ZNF273: variants seen among roughly 807,000 people sequenced by gnomAD.
ZNF273 encodes the protein zinc finger protein 273, also known as zinc finger protein 9.
ZNF273 carries 11 observed loss-of-function variants against 14.9 expected under a neutral mutation model. The ratio of observed to expected loss-of-function variants is 0.74; its 90% confidence interval spans 0.46 to 1.22. The LOEUF is 1.22. ZNF273 is among the 50% of genes most tolerant of loss of function. The pLI, the probability that ZNF273 is intolerant of heterozygous loss-of-function variation, is 0.00. For synonymous variants in ZNF273, 199 were observed against 223.9 expected (o/e 0.89, Z 0.99); for missense variants, 577 against 660.6 (o/e 0.87, Z 1.39).
At chr7:64,937,289 G>A in the ZNF273 span, among the ~76,000 whole-genome samples, 1 of 152,214 alleles carries the variant, frequency 6.6e-6, no homozygotes, top group Admixed American at 6.5e-5. Flanking sequence ...GAGTGAAAGT[G>A]ATGTGTGGAT....
chr7:64,894,717 A>G (rs1792255480), downstream of ZNF273, among the ~76,000 whole-genome samples: 1 of 152,238 alleles, frequency 6.6e-6, no homozygotes, highest in Non-Finnish European at 1.5e-5. Flanking sequence ...AACTATTTTA[A>G]TCAAAATTAT....
At chr7:64,896,141 G>T (rs1792350290) in intron 3 of ZNF273, among the ~76,000 whole-genome samples, 1 of 151,866 alleles carries the variant, frequency 6.6e-6, no homozygotes, top group African/African-American at 2.4e-5. Flanking sequence ...TCACTGAAAG[G>T]CACTATCCAG....
chr7:64,932,644 C>T (rs895581103), downstream of ZNF273, among the ~76,000 whole-genome samples: 1 of 151,974 alleles, frequency 6.6e-6, no homozygotes, highest in Non-Finnish European at 1.5e-5. Context: ...AAATCTGACT[C>T]GGCACGGTGG....
intron 1 of ZNF273, among the ~76,000 whole-genome samples, chr7:64,887,071 C>CATA (rs997436882): frequency 1.3e-5 from 2 of 152,172 alleles, no homozygotes; most frequent in Non-Finnish European, 1.5e-5. Context: ...GTCCCAAGGA[C>CATA]ACTGGGGACC....
downstream of ZNF273, among the ~76,000 whole-genome samples, chr7:64,892,157 CTT>C (rs1401860054): frequency 6.6e-6 from 1 of 152,134 alleles, no homozygotes; most frequent in Non-Finnish European, 1.5e-5. Context: ...AAAATTTAAA[CTT>C]ATCATTTGGG....
chr7:64,910,932 AT>A (rs2129066597), intron 1 of ZNF273, among the ~76,000 whole-genome samples: 1 of 151,404 alleles, frequency 6.6e-6, no homozygotes, highest in East Asian at 2.0e-4. Flanking sequence ...TGCCTGGCTA[AT>A]TTTTCTATTT....
downstream of ZNF273, chr7:64,933,338 C>T (rs1257510278): frequency 6.6e-6 from 1 of 152,134 alleles, no homozygotes; most frequent in Admixed American, 6.5e-5. Context: ...TTCTTAGTCA[C>T]CTATCTGTAG....
At chr7:64,888,994 A>C (rs1791786890), downstream of ZNF273, 3 of 985,760 alleles carry the variant, frequency 3.0e-6, no homozygotes, top group South Asian at 1.4e-4. Context: ...TAATAAGGGC[A>C]AGGGGCCAAG....
At chr7:64,918,066 T>A in intron 2 of ZNF273, 131 bp from the exon 3 acceptor site, 1 of 780,912 alleles carries the variant, frequency 1.3e-6, no homozygotes, top group Non-Finnish European at 1.8e-6. Flanking sequence ...TTTAGAAATT[T>A]ACATTACTAA....
exon 2 of ZNF273, chr7:64,888,620 G>T: frequency 2.0e-6 from 2 of 985,840 alleles, no homozygotes; most frequent in Non-Finnish European, 2.4e-6. Flanking sequence ...CACCCAGCAG[G>T]AGCGGGGCGG....
chr7:64,883,827 G>T (rs533191779), downstream of ZNF273, among the ~76,000 whole-genome samples: 2 of 152,316 alleles, frequency 1.3e-5, no homozygotes, highest in South Asian at 4.1e-4. Flanking sequence ...CTGGCTCAAA[G>T]GCTTCTACAG....
At chr7:64,889,113 C>A, downstream of ZNF273, 1 of 985,970 alleles carries the variant, frequency 1.0e-6, no homozygotes, top group Non-Finnish European at 1.2e-6. This position sits in a 1 kb window ranked among gnomAD's most constrained non-coding sequence, Gnocchi z 4.2. Flanking sequence ...CTCCGGGAGC[C>A]AAGCAGGGAT....
upstream of ZNF273, among the ~76,000 whole-genome samples, chr7:64,900,519 G>T (rs905730360): frequency 6.6e-6 from 1 of 152,116 alleles, no homozygotes; most frequent in Non-Finnish European, 1.5e-5. Flanking sequence ...TAAGCAAACC[G>T]GAAGCTTGCA....
chr7:64,885,068 T>C (rs1209068417), intron 1 of ZNF273, among the ~76,000 whole-genome samples: 2 of 152,210 alleles, frequency 1.3e-5, no homozygotes, highest in Non-Finnish European at 2.9e-5. Context: ...TGTCAGTGTA[T>C]GCCACCGTTG....
rs1794970554 is a variant in ZNF273 at position 64,930,609 on chromosome 7, T to C, written c.*1571T>C. 6.6e-6 allele frequency: 1 copy of C among 152,192 alleles called. No individual in the cohort carries two copies. The highest frequency in any genetic ancestry group is 1.5e-5 in the Non-Finnish European group (1 of 68,028). 9.4% of individuals were successfully genotyped at this position (152,192 alleles called of 1,614,324 possible). On this transcript the variant is annotated 3_prime_UTR_variant, in exon 4 of 4. Coordinates refer to ENST00000476120, the MANE Select transcript of ZNF273 (RefSeq NM_021148.3). ...CTTACTCAATGGTGTAGGTAAAAGA[T>C]GATAGCAATATATTATTTGGTTACA...
downstream of ZNF273, among the ~76,000 whole-genome samples, chr7:64,892,384 A>G (rs1045193437): frequency 6.6e-6 from 1 of 152,196 alleles, no homozygotes; most frequent in Non-Finnish European, 1.5e-5. Flanking sequence ...GTGCTCAGTA[A>G]TATCAGCTAT....
At chr7:64,894,424 G>T (rs1471002576), downstream of ZNF273, among the ~76,000 whole-genome samples, 2 of 152,074 alleles carry the variant, frequency 1.3e-5, no homozygotes. Flanking sequence ...TCTAAGATTG[G>T]TGTATACAAA....
At chr7:64,911,688 T>G (rs1440601838) in intron 1 of ZNF273, among the ~76,000 whole-genome samples, 1 of 152,228 alleles carries the variant, frequency 6.6e-6, no homozygotes. Context: ...TTTTAACTTC[T>G]GAATTTCTTA....
At chr7:64,935,889 A>G (rs958648896), downstream of ZNF273, among the ~76,000 whole-genome samples, 1 of 152,220 alleles carries the variant, frequency 6.6e-6, no homozygotes, top group African/African-American at 2.4e-5. Flanking sequence ...GGATAAAATT[A>G]ATCAAAAATT....
Sources: allele counts gnomAD v4.1 joint callset (sites outside exome capture counted in the v4.1 genomes callset), GRCh38; gene constraint gnomAD v4.1.1; non-coding constraint Gnocchi (gnomAD v3.1); transcripts MANE v1.5; gene names NCBI Gene and HGNC (gene_info 2026-07-23, HGNC 2026-07-21).